WASHC2C: variants seen among roughly 807,000 people sequenced by gnomAD.
WASHC2C encodes the protein Vaccinia Penetration Factor.
A neutral mutation model predicts 142.2 loss-of-function variants in WASHC2C; 73 were observed. That is an observed-to-expected ratio of 0.51 (90% CI 0.43 to 0.62). The LOEUF is 0.62. WASHC2C is among the 20% of genes least tolerant of loss of function. The probability of loss-of-function intolerance (pLI) is 0.00; values close to 1 mark genes in which losing one functional copy is unlikely to be tolerated. For missense variants in WASHC2C, 969 were observed against 1,531.7 expected (o/e 0.63, Z 6.13); for synonymous variants, 337 against 565.5 (o/e 0.60, Z 5.73).
intron 28 of WASHC2C, 97 bp downstream of exon 28, chr10:45,787,344 A>G: frequency 7.2e-7 from 1 of 1,392,004 alleles, no homozygotes; most frequent in Non-Finnish European, 9.9e-7. Context: ...GCAGTCTTTG[A>G]CTCTCCTTTT....
intron 20 of WASHC2C, among the ~76,000 whole-genome samples, chr10:45,770,347 G>T (rs2056456289): frequency 6.8e-6 from 1 of 148,008 alleles, no homozygotes; most frequent in African/African-American, 2.5e-5. Flanking sequence ...TCCAGGGGCT[G>T]ATAACCCATA....
chr10:45,787,446 G>T (rs1345359699), intron 28 of WASHC2C, among the ~76,000 whole-genome samples, 199 bp downstream of exon 28: 1 of 141,322 alleles, frequency 7.1e-6, no homozygotes, highest in Non-Finnish European at 1.5e-5. Context: ...GCCTGCATTT[G>T]GTACATTTGC....
chr10:45,769,700 G>T, intron 20 of WASHC2C, 82 bp downstream of exon 20: 1 of 1,587,854 alleles, frequency 6.3e-7, no homozygotes, highest in Non-Finnish European at 8.6e-7. Flanking sequence ...CTAGTTCATC[G>T]GGTGATTGCT....
rs1159306134 is a variant in WASHC2C at position 45,765,670 on chromosome 10, C to T, written c.1738-9C>T. ...AGTTGTCTTACCTTTCTGCCATTTGCTTTTCTAGGATAATCTTTTTGGGGG... is the reference window on the plus strand; with the variant it reads ...AGTTGTCTTACCTTTCTGCCATTTGTTTTTCTAGGATAATCTTTTTGGGGG... On this transcript the variant is annotated splice_polypyrimidine_tract_variant and intron_variant, in intron 18 of 30. Transcript: ENST00000623400. 3 of 1,611,538 alleles carry T rather than the reference C, an allele frequency of 1.9e-6. No homozygotes were observed. The highest frequency in any genetic ancestry group is 2.7e-5 in the African/African-American group (2 of 74,744).
chr10:45,747,474 G>A (rs556618497), intron 8 of WASHC2C, among the ~76,000 whole-genome samples: 3 of 152,132 alleles, frequency 2.0e-5, no homozygotes, highest in Middle Eastern at 3.2e-3. Flanking sequence ...TGCAGTTTGC[G>A]TTGTAAACTT....
At chr10:45,748,911 G>A (rs1435463159) in intron 8 of WASHC2C, among the ~76,000 whole-genome samples, 9 of 152,152 alleles carry the variant, frequency 5.9e-5, no homozygotes, top group Non-Finnish European at 7.3e-5. Context: ...TTCCAAGTCT[G>A]TTTCTTTGCT....
intron 15 of WASHC2C, 73 bp downstream of exon 15, chr10:45,755,188 C>T (rs2054093587): frequency 7.1e-6 from 11 of 1,545,982 alleles, no homozygotes; most frequent in South Asian, 1.2e-5. Context: ...CATAAGCTCA[C>T]CTAGTTCTGT....
intron 19 of WASHC2C, among the ~76,000 whole-genome samples, chr10:45,769,048 A>C (rs1444778575): frequency 1.3e-5 from 2 of 152,186 alleles, no homozygotes; most frequent in Non-Finnish European, 2.9e-5. Context: ...CTTAGTTTAA[A>C]TACAACTTAG....
chr10:45,736,876 G>A (rs539881365), intron 3 of WASHC2C, among the ~76,000 whole-genome samples: 2,291 of 151,976 alleles, frequency 0.015, 59 homozygotes, highest in African/African-American at 0.051. Context: ...GGTTTTTACT[G>A]TACTCAAAGT....
At chr10:45,764,468 A>G (rs1365729777) in intron 18 of WASHC2C, among the ~76,000 whole-genome samples, 7 of 151,182 alleles carry the variant, frequency 4.6e-5, no homozygotes, top group African/African-American at 1.5e-4. Context: ...CATATACCCA[A>G]TGACCTACAA....
chr10:45,787,918 T>C (rs1383605639), intron 28 of WASHC2C, among the ~76,000 whole-genome samples: 1 of 152,226 alleles, frequency 6.6e-6, no homozygotes, highest in Non-Finnish European at 1.5e-5. Flanking sequence ...CTCTTTGAAG[T>C]TTTCCTTTCA....
At chr10:45,786,756 G>C (rs1196406832) in intron 27 of WASHC2C, 82 bp downstream of exon 27, 20 of 1,609,530 alleles carry the variant, frequency 1.2e-5, no homozygotes, top group Non-Finnish European at 1.7e-5. Flanking sequence ...GTCAGCTGCT[G>C]CCAAACATCT....
intron 23 of WASHC2C, among the ~76,000 whole-genome samples, chr10:45,783,898 G>A (rs1210310290): frequency 2.6e-5 from 4 of 152,102 alleles, no homozygotes; most frequent in African/African-American, 9.7e-5. Context: ...AAACAAAAAA[G>A]GGACTCACTC....
In WASHC2C at chr10:45,727,484, C is replaced by A. The variant is rs755237079; in HGVS notation, c.71C>A (p.Ser24Ter). Residue 24 changes from serine to a stop codon, truncating the protein, a stop_gained, in exon 2 of 31, where the codon TCG becomes TAG. Transcript: ENST00000623400. LOFTEE classifies it high-confidence loss of function. Reference protein sequence around the residue: ...ASEPVWERPWSVEEIRRSSQS... With the variant: ...ASEPVWERPW ...GAGCCCGTGTGGGAGCGGCCGTGGT[C>A]GGTGGAGGAGATCCGCAGGAGCAGC... is the stretch of plus-strand genomic sequence containing the variant. 3 of 1,607,624 alleles carry A rather than the reference C, an allele frequency of 1.9e-6. No individual in the cohort carries two copies. The highest frequency in any genetic ancestry group is 1.1e-5 in the South Asian group (1 of 90,528).
At chr10:45,790,690 G>T (rs2058343717) in intron 30 of WASHC2C, among the ~76,000 whole-genome samples, 157 bp downstream of exon 30, 1 of 152,166 alleles carries the variant, frequency 6.6e-6, no homozygotes, top group African/African-American at 2.4e-5. Flanking sequence ...GTAAGAGATG[G>T]ACTAATTATT....
intron 5 of WASHC2C, among the ~76,000 whole-genome samples, chr10:45,741,283 T>A (rs1377827457): frequency 1.3e-5 from 2 of 152,112 alleles, no homozygotes; most frequent in African/African-American, 4.8e-5. Context: ...AGCTGCACAT[T>A]TCTCTTCCAG....
intron 17 of WASHC2C, among the ~76,000 whole-genome samples, chr10:45,761,215 C>T (rs2055032835): frequency 1.3e-5 from 2 of 152,000 alleles, no homozygotes; most frequent in African/African-American, 4.8e-5. Flanking sequence ...GGACATCTCT[C>T]ACTAGCCCTG....
chr10:45,727,342 G>A (rs777300125), intron 1 of WASHC2C, 22 bp downstream of exon 1: 1 of 1,593,210 alleles, frequency 6.3e-7, no homozygotes, highest in Non-Finnish European at 8.5e-7. Flanking sequence ...GGGCCGGAGA[G>A]GGGCCGGCCT....
At chr10:45,783,452 G>T (rs1198879782) in intron 23 of WASHC2C, among the ~76,000 whole-genome samples, 10 of 151,994 alleles carry the variant, frequency 6.6e-5, no homozygotes, top group South Asian at 2.1e-4. Context: ...AGTTTTTTTG[G>T]TTTTTTTGTT....
Sources: gnomAD v4.1 joint callset for allele counts (sites outside exome capture counted in the v4.1 genomes callset) on GRCh38, gnomAD v4.1.1 for gene constraint, MANE v1.5 for transcripts, NCBI Gene and HGNC (gene_info 2026-07-23, HGNC 2026-07-21) for gene names.